LRRC4C: variants seen among roughly 807,000 people sequenced by gnomAD.
The protein encoded by LRRC4C is leucine-rich repeat-containing protein 4C.
A neutral mutation model predicts 33.6 loss-of-function variants in LRRC4C; 5 were observed. The observed-to-expected ratio is 0.15, with a 90% confidence interval of 0.08 to 0.31. The LOEUF (loss-of-function observed/expected upper bound fraction) is 0.31. LRRC4C is among the 10% of genes least tolerant of loss of function. The pLI is 1.00. For synonymous variants in LRRC4C, 329 were observed against 302.0 expected, an observed-to-expected ratio of 1.09 and a Z score of -0.93; for missense variants, 560 against 796.7, an observed-to-expected ratio of 0.70 and a Z score of 3.58.
chr11:41,423,710 C>T (rs887398322), intron 1 of LRRC4C, among the ~76,000 whole-genome samples: 1 of 152,004 alleles, frequency 6.6e-6, no homozygotes, highest in African/African-American at 2.4e-5. Flanking sequence ...ATAGCAAATG[C>T]CCAGACTAAG....
At chr11:40,496,079 C>T (rs540041961) in intron 3 of LRRC4C, among the ~76,000 whole-genome samples, 3 of 152,158 alleles carry the variant, frequency 2.0e-5, no homozygotes, top group East Asian at 3.9e-4. Context: ...GATCTGCTCA[C>T]CTTGGCATCC....
At chr11:41,416,209 C>T (rs927476019) in intron 1 of LRRC4C, among the ~76,000 whole-genome samples, 2 of 151,912 alleles carry the variant, frequency 1.3e-5, no homozygotes, top group African/African-American at 2.4e-5. Flanking sequence ...ATGGAACAAC[C>T]GGGGCAAATA....
intron 5 of LRRC4C, among the ~76,000 whole-genome samples, chr11:40,227,407 C>CTT (rs747708782): frequency 2.0e-5 from 3 of 152,164 alleles, no homozygotes; most frequent in Non-Finnish European, 2.9e-5. Context: ...CTTCCTTTAA[C>CTT]CACAGCCTGT....
intron 1 of LRRC4C, among the ~76,000 whole-genome samples, chr11:41,162,604 A>G (rs1489480586): frequency 1.3e-5 from 2 of 152,210 alleles, no homozygotes; most frequent in Non-Finnish European, 1.5e-5. Context: ...ATGTTATTGT[A>G]TCATATTGTA....
intron 1 of LRRC4C, among the ~76,000 whole-genome samples, chr11:41,161,665 G>C (rs973918245): frequency 6.6e-6 from 1 of 152,144 alleles, no homozygotes; most frequent in African/African-American, 2.4e-5. Context: ...TTTTTGCATT[G>C]CATTGCTGGC....
In LRRC4C at chr11:40,737,853, G is replaced by A. The variant is rs183835939; in HGVS notation, c.-406-89575C>T. Among the ~76,000 whole-genome samples, 20 of 151,912 alleles carry A rather than the reference G, an allele frequency of 1.3e-4. No homozygotes were observed. In the East Asian group the frequency reaches 2.7e-3, roughly 21 times the overall value. ...TCAAGCTACCATTGACTTTCTTCAC[G>A]GAATTAGAAAAAACTACTTTAAAGT... is the stretch of plus-strand genomic sequence containing the variant. On this transcript the variant is annotated intron_variant, in intron 2 of 6. Transcript: ENST00000528697.
At chr11:41,066,752 C>A (rs1028808537) in intron 1 of LRRC4C, among the ~76,000 whole-genome samples, 1 of 152,060 alleles carries the variant, frequency 6.6e-6, no homozygotes, top group Non-Finnish European at 1.5e-5. Flanking sequence ...AGAGTGGGGG[C>A]CAATATTCAA....
intron 2 of LRRC4C, among the ~76,000 whole-genome samples, chr11:40,746,019 G>C (rs1948399072): frequency 6.6e-6 from 1 of 152,134 alleles, no homozygotes; most frequent in Non-Finnish European, 1.5e-5. Flanking sequence ...AGCCAAGAGA[G>C]AACACTGGAA....
At chr11:40,146,353 A>G (rs939086764) in intron 5 of LRRC4C, among the ~76,000 whole-genome samples, 1 of 152,184 alleles carries the variant, frequency 6.6e-6, no homozygotes, top group African/African-American at 2.4e-5. Context: ...TTCAAAATAT[A>G]CACCTAACAA....
chr11:40,432,189 ATT>A (rs34749380), intron 3 of LRRC4C, among the ~76,000 whole-genome samples: 8 of 150,646 alleles, frequency 5.3e-5, no homozygotes, highest in African/African-American at 2.0e-4. Flanking sequence ...TGTGCCATGC[ATT>A]TTTTTTTTCT....
chr11:40,747,073 C>A (rs1948463144), intron 2 of LRRC4C, among the ~76,000 whole-genome samples: 1 of 152,142 alleles, frequency 6.6e-6, no homozygotes. Flanking sequence ...ACACTGATGC[C>A]AGCGTACACC....
At chr11:40,766,353 T>TAAAAAAA (rs60152534) in intron 2 of LRRC4C, among the ~76,000 whole-genome samples, 41 of 33,912 alleles carry the variant, frequency 1.2e-3, no homozygotes, top group Non-Finnish European at 1.5e-3. Flanking sequence ...TTCAGTCTGT[T>TAAAAAAA]AAAAAAAAAA....
At chr11:40,687,117 A>T (rs1029960621) in intron 2 of LRRC4C, among the ~76,000 whole-genome samples, 1 of 152,078 alleles carries the variant, frequency 6.6e-6, no homozygotes, top group African/African-American at 2.4e-5. Context: ...TTAAGATCTG[A>T]TGTTTTGACA....
intron 1 of LRRC4C, among the ~76,000 whole-genome samples, chr11:41,144,309 G>C (rs1432689333): frequency 1.3e-5 from 2 of 152,166 alleles, no homozygotes; most frequent in African/African-American, 4.8e-5. Context: ...TGATTCAACA[G>C]AGGAAAGAAC....
At chr11:40,137,601 T>C (rs1413022207) in intron 6 of LRRC4C, among the ~76,000 whole-genome samples, 3 of 152,144 alleles carry the variant, frequency 2.0e-5, no homozygotes, top group Non-Finnish European at 2.9e-5. Context: ...TTAATATCTA[T>C]TGGGTTTTTG....
chr11:40,281,315 T>C (rs1943461086), intron 4 of LRRC4C, among the ~76,000 whole-genome samples: 1 of 152,120 alleles, frequency 6.6e-6, no homozygotes, highest in South Asian at 2.1e-4. Flanking sequence ...TTGAATTCAT[T>C]CATCCACACA....
At chr11:40,664,133 G>C (rs1462847132) in intron 2 of LRRC4C, among the ~76,000 whole-genome samples, 1 of 152,086 alleles carries the variant, frequency 6.6e-6, no homozygotes, top group Non-Finnish European at 1.5e-5. Flanking sequence ...AAAATATTTG[G>C]AACTGAATGT....
intron 2 of LRRC4C, among the ~76,000 whole-genome samples, chr11:40,682,602 C>T (rs1174747958): frequency 6.6e-6 from 1 of 151,958 alleles, no homozygotes; most frequent in Non-Finnish European, 1.5e-5. Context: ...ATGGCGAAAC[C>T]CAATCTCTAC....
intron 3 of LRRC4C, among the ~76,000 whole-genome samples, chr11:40,554,373 T>C (rs1957248067): frequency 6.6e-6 from 1 of 152,212 alleles, no homozygotes; most frequent in South Asian, 2.1e-4. Context: ...TCTTGTAGTG[T>C]AGTTTGAAAT....
Sources: gnomAD v4.1 joint callset for allele counts (sites outside exome capture counted in the v4.1 genomes callset) on GRCh38, gnomAD v4.1.1 for gene constraint, MANE v1.5 for transcripts, NCBI Gene and HGNC (gene_info 2026-07-23, HGNC 2026-07-21) for gene names.